SGCZ: variants seen among roughly 807,000 people sequenced by gnomAD.
The protein encoded by SGCZ is zeta-sarcoglycan.
In SGCZ, 40 loss-of-function variants were observed where a neutral mutation model predicts 41.3. The ratio of observed to expected loss-of-function variants is 0.97; its 90% CI spans 0.75 to 1.26. The LOEUF (loss-of-function observed/expected upper bound fraction) is 1.26, where lower values mean the gene tolerates loss of function less well. SGCZ is among the 50% of genes most tolerant of loss of function. The pLI, the probability that SGCZ is intolerant of heterozygous loss-of-function variation, is 0.00. For missense variants in SGCZ, 552 were observed against 369.8 expected (o/e 1.49, Z -4.04); for synonymous variants, 206 against 137.5 (o/e 1.50, Z -3.49).
intron 1 of SGCZ, among the ~76,000 whole-genome samples, chr8:14,737,049 C>A (rs929251080): frequency 6.7e-6 from 1 of 148,854 alleles, no homozygotes; most frequent in Non-Finnish European, 1.5e-5. Context: ...AGACATATAG[C>A]TATATATCTA....
intron 5 of SGCZ, among the ~76,000 whole-genome samples, chr8:14,155,944 G>A (rs1803863477): frequency 6.6e-6 from 1 of 152,004 alleles, no homozygotes. Flanking sequence ...GTAACACAAT[G>A]TTAAGTATTC....
chr8:15,005,925 C>T (rs1125265), intron 1 of SGCZ, among the ~76,000 whole-genome samples: 72,787 of 151,894 alleles, frequency 0.48, 17,838 homozygotes, highest in South Asian at 0.54. Flanking sequence ...CAACATAAAA[C>T]GGAATGAGAA....
rs1276892463 is a variant in SGCZ at position 14,356,559 on chromosome 8, G to C, written c.235-32355C>G. 2.6e-5 allele frequency among the ~76,000 whole-genome samples: 4 copies of C among 152,082 alleles called. No individual in the cohort carries two copies. In the East Asian group the frequency reaches 7.7e-4, roughly 29 times the overall value. ...TAACAAAATGTGTGATATAAAAAGT[G>C]TAGATGCTCCTGATGATGAGGTATA... On this transcript the variant is annotated intron_variant, in intron 2 of 7. Transcript: ENST00000382080.
chr8:14,673,895 A>G (rs1314953245), intron 1 of SGCZ, among the ~76,000 whole-genome samples: 3 of 152,164 alleles, frequency 2.0e-5, no homozygotes, highest in East Asian at 1.9e-4. Flanking sequence ...GATATACACA[A>G]TATATTCATT....
At chr8:14,610,628 A>T (rs1805897046) in intron 1 of SGCZ, among the ~76,000 whole-genome samples, 1 of 152,150 alleles carries the variant, frequency 6.6e-6, no homozygotes, top group Non-Finnish European at 1.5e-5. Context: ...AAGAGGACAG[A>T]GATAAAATTT....
chr8:14,282,718 T>C (rs72603992), intron 3 of SGCZ, among the ~76,000 whole-genome samples: 24,940 of 152,048 alleles, frequency 0.16, 2,235 homozygotes, highest in East Asian at 0.28. Flanking sequence ...CCTTCTGCAA[T>C]ATTTTAAATA....
At chr8:14,957,988 C>T (rs774739887) in intron 1 of SGCZ, among the ~76,000 whole-genome samples, 1 of 151,852 alleles carries the variant, frequency 6.6e-6, no homozygotes, top group Non-Finnish European at 1.5e-5. Flanking sequence ...AGTACTGAAT[C>T]CTACAGTACT....
At chr8:14,732,625 CTG>C (rs139418040) in intron 1 of SGCZ, among the ~76,000 whole-genome samples, 1 of 152,284 alleles carries the variant, frequency 6.6e-6, no homozygotes, top group African/African-American at 2.4e-5. Flanking sequence ...AATTAGAAGA[CTG>C]AGCTGCTGTT....
chr8:14,581,615 T>G (rs1804891846), intron 1 of SGCZ, among the ~76,000 whole-genome samples: 1 of 152,154 alleles, frequency 6.6e-6, no homozygotes, highest in Admixed American at 6.5e-5. Flanking sequence ...CAGAATCACC[T>G]GTGTTTTGCA....
chr8:15,087,624 CG>C (rs1017590590), intron 1 of SGCZ, among the ~76,000 whole-genome samples: 1 of 151,780 alleles, frequency 6.6e-6, no homozygotes, highest in Non-Finnish European at 1.5e-5. Context: ...AAGAGCTTGT[CG>C]AAAAAAATGA....
chr8:14,190,642 G>A (rs760367770), intron 4 of SGCZ, among the ~76,000 whole-genome samples: 4 of 151,306 alleles, frequency 2.6e-5, no homozygotes, highest in East Asian at 3.9e-4. Flanking sequence ...TCGCTCTGTC[G>A]CCCAGGCTGG....
At chr8:14,136,438 C>T (rs1242839221) in intron 5 of SGCZ, among the ~76,000 whole-genome samples, 3 of 152,160 alleles carry the variant, frequency 2.0e-5, no homozygotes, top group Admixed American at 2.0e-4. Flanking sequence ...AATTGGGACA[C>T]TCCTGCCCTA....
chr8:14,970,383 AC>A (rs1279326847), intron 1 of SGCZ, among the ~76,000 whole-genome samples: 4 of 152,244 alleles, frequency 2.6e-5, no homozygotes, highest in African/African-American at 9.6e-5. Context: ...TTTGATTTAA[AC>A]AAATATTTGC....
chr8:14,776,650 C>T (rs961659100), intron 1 of SGCZ, among the ~76,000 whole-genome samples: 43 of 151,456 alleles, frequency 2.8e-4, no homozygotes, highest in African/African-American at 9.7e-4. Flanking sequence ...CCTACCACCA[C>T]GCCCAGCTAA....
Position 14,260,167 on chromosome 8 carries a change from G to C in SGCZ, c.337-22488C>G, listed in dbSNP as rs568085868. Among the ~76,000 whole-genome samples, 4 of 152,032 alleles carry C rather than the reference G, an allele frequency of 2.6e-5. No individual in the cohort carries two copies. The South Asian group carries it at 6.2e-4, about 24-fold the overall frequency. Reference sequence around the variant, plus strand: ...CATCAGAGTGAACAGGCAACCTACAGAATGGGAGAAAATTTTCGCAACCTA... The same window carrying C: ...CATCAGAGTGAACAGGCAACCTACACAATGGGAGAAAATTTTCGCAACCTA... On this transcript the variant is annotated intron_variant, in intron 3 of 7. Coordinates refer to ENST00000382080, the MANE Select transcript of SGCZ (RefSeq NM_139167.4).
intron 1 of SGCZ, among the ~76,000 whole-genome samples, chr8:14,610,669 G>A (rs1215670575): frequency 6.6e-6 from 1 of 152,138 alleles, no homozygotes; most frequent in Non-Finnish European, 1.5e-5. Flanking sequence ...TAGAAGTGAT[G>A]ATGATATAAG....
rs775874986 is a variant in SGCZ at position 14,408,948 on chromosome 8, A to AGTGT, written c.235-84745_235-84744insACAC. On this transcript the variant is annotated intron_variant, in intron 2 of 7. Transcript: ENST00000382080. ...TAAAAGCTAACACATTTTTAAATTA[A>AGTGT]GAGAGTGTGTGTGTGTGTGTGTGCA... 4.9e-3 allele frequency among the ~76,000 whole-genome samples: 545 copies of AGTGT among 112,190 alleles called. 2 individuals carry two copies. The highest frequency in any genetic ancestry group is 0.021 in the South Asian group (82 of 3,854). 73.6% of individuals were successfully genotyped at this position (112,190 alleles called of 152,430 possible). A position where few individuals can be genotyped will look rare whatever the true frequency, so the allele number is the denominator to read the frequency against.
At chr8:14,721,328 G>T in intron 1 of SGCZ, among the ~76,000 whole-genome samples, 1 of 152,086 alleles carries the variant, frequency 6.6e-6, no homozygotes, top group Middle Eastern at 3.2e-3. Context: ...GCTGCCTCAT[G>T]GACATTTTCA....
In SGCZ at chr8:14,895,758, T is replaced by C. The variant is rs115343881; in HGVS notation, c.40-340832A>G. 5.6e-3 allele frequency among the ~76,000 whole-genome samples: 853 copies of C among 152,322 alleles called. 10 individuals carry two copies. Among genetic ancestry groups the C allele is most frequent in the African/African-American group, 0.019 (794 of 41,568 alleles). On this transcript the variant is annotated intron_variant, in intron 1 of 7. Coordinates refer to ENST00000382080, the MANE Select transcript of SGCZ (RefSeq NM_139167.4). ...AGTCTCGAAAAGCAAATTGCAAATG[T>C]AGATGCAGTGGTTCCCAGCCCAAGC... is the stretch of plus-strand genomic sequence containing the variant.
Sources: allele counts gnomAD v4.1 joint callset (sites outside exome capture counted in the v4.1 genomes callset), GRCh38; gene constraint gnomAD v4.1.1; transcripts MANE v1.5; gene names NCBI Gene and HGNC (gene_info 2026-07-23, HGNC 2026-07-21).